POLA1: variants seen among roughly 807,000 people sequenced by gnomAD.
POLA1 encodes DNA polymerase alpha 1, catalytic subunit.
POLA1 carries 15 observed loss-of-function variants against 124.0 expected under a neutral mutation model. The ratio of observed to expected loss-of-function variants is 0.12; its 90% CI spans 0.08 to 0.19. The LOEUF is 0.19. Among genes scored for constraint, POLA1 ranks in the 10% least tolerant of loss-of-function variants. The probability of loss-of-function intolerance (pLI) is 1.00; values close to 1 mark genes in which losing one functional copy is unlikely to be tolerated. For synonymous variants in POLA1, 408 were observed against 389.4 expected (o/e 1.05, Z -0.56); for missense variants, 886 against 1,103.4 (o/e 0.80, Z 2.79).
intron 26 of POLA1, among the ~76,000 whole-genome samples, chrX:24,789,799 A>T (rs185409855): frequency 8.9e-6 from 1 of 112,401 alleles, no homozygotes; most frequent in East Asian, 2.8e-4. Flanking sequence ...CTTGTTAAGA[A>T]CTAAGGAATA....
At chrX:24,812,288 C>T (rs181178590) in intron 28 of POLA1, among the ~76,000 whole-genome samples, 1 of 112,411 alleles carries the variant, frequency 8.9e-6, no homozygotes, top group African/African-American at 3.2e-5. Context: ...ACTGTCTATT[C>T]ACTAACTAAC....
rs767293485 is a variant in POLA1 at position 24,795,871 on chromosome X, G to A, written c.2965-14027G>A. 7.2e-5 allele frequency among the ~76,000 whole-genome samples: 8 copies of A among 110,526 alleles called. No homozygotes were observed. The East Asian group carries it at 2.0e-3, about 28-fold the overall frequency. On this transcript the variant is annotated intron_variant, in intron 26 of 36. Coordinates refer to ENST00000379068, the MANE Select transcript of POLA1 (RefSeq NM_001330360.2). ...AGCTGTCTGTTGTGTCTGAACAGTG[G>A]CTTGCTCTGAGGTTAAAGGTCCATG...
Position 24,812,101 on chromosome X carries a change from G to C in POLA1, c.3091-557G>C, listed in dbSNP as rs975096529. ...CTCATACTGGGCCTTGAAAAGTTGA[G>C]TATTTTCCCTGGAGGTGATGTTCTG... On this transcript the variant is annotated intron_variant, in intron 28 of 36. Coordinates refer to ENST00000379068, the MANE Select transcript of POLA1 (RefSeq NM_001330360.2). 3.6e-5 allele frequency among the ~76,000 whole-genome samples: 4 copies of C among 112,465 alleles called. No individual in the cohort carries two copies. The Admixed American group carries it at 3.8e-4, about 11-fold the overall frequency.
At chrX:24,814,908 C>T (rs1009358579) in intron 29 of POLA1, 71 bp from the exon 30 acceptor site, 40 of 948,973 alleles carry the variant, frequency 4.2e-5, no homozygotes, top group Middle Eastern at 2.9e-4. Context: ...CTTCCTTCTT[C>T]TCCTTTACTA....
chrX:24,902,427 T>G (rs2047295561), intron 35 of POLA1, among the ~76,000 whole-genome samples: 2 of 112,022 alleles, frequency 1.8e-5, no homozygotes, highest in South Asian at 7.5e-4. Context: ...GGAGGCTGTA[T>G]GACATCTACT....
intron 34 of POLA1, among the ~76,000 whole-genome samples, chrX:24,884,081 T>C (rs1052792533): frequency 1.8e-5 from 2 of 111,979 alleles, no homozygotes; most frequent in African/African-American, 6.5e-5. Flanking sequence ...CAAAATTCAG[T>C]ATGAGATCTT....
chrX:24,698,213 A>AT (rs1347121289), intron 1 of POLA1, among the ~76,000 whole-genome samples: 1 of 111,778 alleles, frequency 8.9e-6, no homozygotes, highest in Non-Finnish European at 1.9e-5. Context: ...AAGTGCTGGG[A>AT]TTACAGGCGT....
chrX:24,751,019 T>G (rs1932293176), intron 26 of POLA1, among the ~76,000 whole-genome samples: 1 of 112,348 alleles, frequency 8.9e-6, no homozygotes, highest in Non-Finnish European at 1.9e-5. Context: ...TGGCTTCTGA[T>G]GGAATACCAT....
intron 16 of POLA1, 114 bp downstream of exon 16, chrX:24,732,568 C>T: frequency 2.7e-6 from 1 of 364,434 alleles, no homozygotes; most frequent in Non-Finnish European, 4.7e-6. Flanking sequence ...AAGAATAGTG[C>T]ATATTGTTAA....
At chrX:24,852,311 C>CT (rs111941385) in intron 34 of POLA1, among the ~76,000 whole-genome samples, 9,787 of 102,255 alleles carry the variant, frequency 0.096, 1,034 homozygotes, top group African/African-American at 0.3. Context: ...CCTTAGCTTG[C>CT]TTTTTTTTTT....
chrX:24,694,422 A>T (rs1394506943), intron 1 of POLA1, among the ~76,000 whole-genome samples: 2 of 112,753 alleles, frequency 1.8e-5, no homozygotes, highest in African/African-American at 3.2e-5. Flanking sequence ...GGAAAATTTT[A>T]TACATTGTAA....
intron 10 of POLA1, among the ~76,000 whole-genome samples, 195 bp downstream of exon 10, chrX:24,717,953 A>G (rs1005213588): frequency 1.7e-4 from 19 of 110,309 alleles, no homozygotes; most frequent in South Asian, 3.8e-4. Context: ...CTTAACATGT[A>G]TTGTAAGAGA....
chrX:24,728,646 CTATT>C (rs1930696964), intron 15 of POLA1, among the ~76,000 whole-genome samples: 1 of 111,783 alleles, frequency 8.9e-6, no homozygotes, highest in African/African-American at 3.3e-5. Context: ...CCCGTTTTCT[CTATT>C]TATTTGCTTT....
intron 32 of POLA1, among the ~76,000 whole-genome samples, chrX:24,830,171 G>A (rs1249885710): frequency 8.9e-6 from 1 of 112,036 alleles, no homozygotes; most frequent in African/African-American, 3.2e-5. Context: ...TGGAGAGCAA[G>A]TATATTTTTC....
At position 24,713,595 on chromosome X, in the gene POLA1, T is replaced by G. The variant is rs756072863; in HGVS notation, c.347-959T>G. Among the ~76,000 whole-genome samples the G allele has an allele frequency of 3.6e-5, 4 of 110,726 alleles. No individual in the cohort carries two copies. The South Asian group carries it at 1.5e-3, about 43-fold the overall frequency. On this transcript the variant is annotated intron_variant, in intron 4 of 36. Coordinates refer to ENST00000379068, the MANE Select transcript of POLA1 (RefSeq NM_001330360.2). ...CCACGCCTGGCTAATTTTTTGTATT[T>G]TAGTAGAGATGGGGTTTCACCATGT...
intron 4 of POLA1, among the ~76,000 whole-genome samples, chrX:24,711,782 G>C (rs1285221470): frequency 1.8e-5 from 2 of 111,680 alleles, no homozygotes; most frequent in East Asian, 5.6e-4. Flanking sequence ...ATTTTTAGTA[G>C]AGACGGGGTT....
chrX:24,873,291 C>A (rs1260970533), intron 34 of POLA1, among the ~76,000 whole-genome samples: 1 of 111,676 alleles, frequency 9.0e-6, no homozygotes, highest in African/African-American at 3.3e-5. Context: ...ACCTTTTGGA[C>A]AACAATTTGG....
chrX:24,699,486 G>A lies in POLA1; in HGVS notation c.105G>A (p.Lys35=). Residue 35 remains lysine, a synonymous_variant, in exon 2 of 37, where the codon AAG becomes AAA. Coordinates refer to ENST00000379068, the MANE Select transcript of POLA1 (RefSeq NM_001330360.2). ...SRARREKKSK[K]GRQEALERLK... is the part of the protein sequence containing the mutation. Reference sequence around the variant, plus strand: ...CCCGGCGAGAAAAAAAATCAAAGAAGGGGCGCCAAGAAGCCCTAGAAAGAC... The same window carrying A: ...CCCGGCGAGAAAAAAAATCAAAGAAAGGGCGCCAAGAAGCCCTAGAAAGAC... 1.7e-6 allele frequency: 2 copies of A among 1,184,275 alleles called. No homozygotes were observed. The highest frequency in any genetic ancestry group is 2.3e-6 in the Non-Finnish European group (2 of 877,609).
chrX:24,926,804 G>A (rs1158430876), intron 35 of POLA1, among the ~76,000 whole-genome samples: 1 of 109,390 alleles, frequency 9.1e-6, no homozygotes, highest in East Asian at 2.9e-4. Context: ...CTCTCATTTA[G>A]TTGTTCTGGG....
Sources: allele counts gnomAD v4.1 joint callset (sites outside exome capture counted in the v4.1 genomes callset), GRCh38; gene constraint gnomAD v4.1.1; transcripts MANE v1.5; gene names NCBI Gene and HGNC (gene_info 2026-07-23, HGNC 2026-07-21).